Variants in RASGRP3 observed in about 807,000 individuals in gnomAD.
RASGRP3 encodes the protein ras guanyl-releasing protein 3.
A neutral mutation model predicts 82.7 loss-of-function variants in RASGRP3; 54 were observed. The observed-to-expected ratio is 0.65, with a 90% CI of 0.52 to 0.82. RASGRP3 has a LOEUF of 0.82. RASGRP3 is among the 40% of genes least tolerant of loss of function. RASGRP3 has a pLI of 0.00. For missense variants in RASGRP3, 861 were observed against 828.9 expected (o/e 1.04, Z -0.48); for synonymous variants, 309 against 300.5 (o/e 1.03, Z -0.29).
chr2:33,520,525 G>A (rs1671922110), intron 5 of RASGRP3, 28 bp from the exon 6 acceptor site: 1 of 1,611,342 alleles, frequency 6.2e-7, no homozygotes, highest in African/African-American at 1.3e-5. Context: ...CAATCTTCCA[G>A]CTGCCAAAAA....
At chr2:33,525,079 TCAAAAAAAAAAAAAC>T (rs1296404116) in intron 9 of RASGRP3, among the ~76,000 whole-genome samples, 2 of 90,090 alleles carry the variant, frequency 2.2e-5, no homozygotes. Flanking sequence ...AGACTCCATC[TCAAAAAAAAAAAAAC>T]CAAAAAAAAA....
At chr2:33,453,920 A>G (rs942235467) in intron 2 of RASGRP3, among the ~76,000 whole-genome samples, 2 of 152,220 alleles carry the variant, frequency 1.3e-5, no homozygotes, top group African/African-American at 4.8e-5. Context: ...GTTAAACAAG[A>G]GAAATTTATT....
At chr2:33,528,791 C>A (rs1376100237) in intron 10 of RASGRP3, among the ~76,000 whole-genome samples, 3 of 152,188 alleles carry the variant, frequency 2.0e-5, no homozygotes, top group Admixed American at 2.0e-4. Flanking sequence ...ACACAGATCT[C>A]TTAAAGTTGA....
At chr2:33,547,704 C>T (rs1674937002) in intron 13 of RASGRP3, among the ~76,000 whole-genome samples, 1 of 152,100 alleles carries the variant, frequency 6.6e-6, no homozygotes, top group Non-Finnish European at 1.5e-5. Context: ...ATCTTGTGAG[C>T]AAACTCTGGT....
At chr2:33,505,443 C>G (rs1467473769) in intron 1 of RASGRP3, among the ~76,000 whole-genome samples, 1 of 152,006 alleles carries the variant, frequency 6.6e-6, no homozygotes, top group Non-Finnish European at 1.5e-5. Context: ...GCTGGGATTA[C>G]TGGCATGAGC....
rs143776810 is a variant in RASGRP3, at chr2:33,563,065, TACTC to T, written c.*330_*333del. On this transcript the variant is annotated 3_prime_UTR_variant, in exon 18 of 18. Coordinates refer to ENST00000403687, the MANE Select transcript of RASGRP3 (RefSeq NM_001139488.2). ...TGAAAGCTTTTTTGCATGTACTTGA[TACTC>T]AGTCTGTAAACTCAGACTTCGCTTT... The T allele has an allele frequency of 0.011, 3,631 of 324,118 alleles. 120 individuals carry two copies. Among genetic ancestry groups the T allele is most frequent in the African/African-American group, 0.07 (3,283 of 46,950 alleles). 20.1% of individuals were successfully genotyped at this position (324,118 alleles called of 1,614,324 possible). A position where few individuals can be genotyped will look rare whatever the true frequency, so the allele number is the denominator to read the frequency against.
upstream of RASGRP3, among the ~76,000 whole-genome samples, chr2:33,471,895 T>A (rs569081595): frequency 2.0e-5 from 1 of 49,358 alleles, no homozygotes; most frequent in East Asian, 6.4e-4. Flanking sequence ...CTCCAATCAA[T>A]GATTTTTTTT....
intron 1 of RASGRP3, among the ~76,000 whole-genome samples, chr2:33,498,600 C>T (rs1669550584): frequency 6.6e-6 from 1 of 152,028 alleles, no homozygotes; most frequent in Non-Finnish European, 1.5e-5. Flanking sequence ...TACTTTAATC[C>T]CAACTTGAAG....
At position 33,527,335 on chromosome 2, in the gene RASGRP3, A is replaced by G; in HGVS notation, c.1006A>G (p.Thr336Ala). 1 of 1,613,862 alleles carries G rather than the reference A, an allele frequency of 6.2e-7. No individual in the cohort carries two copies. The highest frequency in any genetic ancestry group is 8.5e-7 in the Non-Finnish European group (1 of 1,179,772). ...NIVKMHQLSV[T>A]LSELVSLQNA... ...TGTGAAAATGCACCAGCTCTCCGTT[A>G]CCCTGAGTGAACTAGTCTCCCTGCA... is the stretch of plus-strand genomic sequence containing the variant. The change falls in exon 10 of 18, where the codon ACC (threonine) becomes GCC (alanine). Residue 336 changes from threonine (T) to alanine (A), a missense_variant. Physicochemically the swap from Thr to Ala is moderately conservative, Grantham distance 58. Coordinates refer to ENST00000403687, the MANE Select transcript of RASGRP3 (RefSeq NM_001139488.2).
At chr2:33,522,376 A>C (rs556999435) in intron 7 of RASGRP3, among the ~76,000 whole-genome samples, 1 of 152,214 alleles carries the variant, frequency 6.6e-6, no homozygotes, top group South Asian at 2.1e-4. Context: ...TGGAGATTTA[A>C]CCATTCAAGG....
At chr2:33,504,897 A>G (rs1185599100) in intron 1 of RASGRP3, among the ~76,000 whole-genome samples, 2 of 152,180 alleles carry the variant, frequency 1.3e-5, no homozygotes, top group African/African-American at 2.4e-5. Context: ...GCACGTTGGT[A>G]TTGGCACCAA....
intron 13 of RASGRP3, among the ~76,000 whole-genome samples, chr2:33,548,874 A>T (rs1211359341): frequency 2.0e-5 from 3 of 152,074 alleles, no homozygotes; most frequent in Non-Finnish European, 2.9e-5. Context: ...TTTTTGGTAG[A>T]GATGGGGTCT....
rs759830804 is a variant in RASGRP3 at position 33,527,405 on chromosome 2, T to C, written c.1076T>C (p.Leu359Pro). 2 of 1,611,686 alleles carry C rather than the reference T, an allele frequency of 1.2e-6. No individual in the cohort carries two copies. The highest frequency in any genetic ancestry group is 1.7e-6 in the Non-Finnish European group (2 of 1,177,996). The change falls in exon 10 of 18, where the codon CTG becomes CCG. Residue 359 changes from leucine to proline, a missense_variant. Transcript: ENST00000403687. Reference sequence around the variant, plus strand: ...GAACCCAACATGGATTTGATCAACCTGCTCACGGTGAGTTCCAAGGAGCCA... The same window carrying C: ...GAACCCAACATGGATTTGATCAACCCGCTCACGGTGAGTTCCAAGGAGCCA... ...HLEPNMDLINLLTLSLDLYHT... is the reference protein window; with the variant it reads ...HLEPNMDLINPLTLSLDLYHT...
At position 33,564,077 on chromosome 2, in the gene RASGRP3, C is replaced by G. The variant is rs2151133874; in HGVS notation, c.*1340C>G. 6.6e-6 allele frequency: 1 copy of G among 152,318 alleles called. No homozygotes were observed. The highest frequency in any genetic ancestry group is 1.9e-4 in the East Asian group (1 of 5,182). 9.4% of individuals were successfully genotyped at this position (152,318 alleles called of 1,614,324 possible). On this transcript the variant is annotated 3_prime_UTR_variant, in exon 18 of 18. Coordinates refer to ENST00000403687, the MANE Select transcript of RASGRP3 (RefSeq NM_001139488.2). The stretch of plus-strand genomic sequence containing the variant: ...GGAATTTGTTTGTATTTGGGGCAGT[C>G]TTCAGTAAAGCCTTTCTCCTTTCTT...
intron 1 of RASGRP3, among the ~76,000 whole-genome samples, chr2:33,478,165 G>C (rs1667549472): frequency 6.6e-6 from 1 of 152,180 alleles, no homozygotes; most frequent in Non-Finnish European, 1.5e-5. Flanking sequence ...TTCTCTGATG[G>C]AAGCAGTTTC....
At chr2:33,506,793 C>T (rs543641956) in intron 1 of RASGRP3, among the ~76,000 whole-genome samples, 1 of 152,326 alleles carries the variant, frequency 6.6e-6, no homozygotes, top group South Asian at 2.1e-4. Flanking sequence ...GATACTGCCT[C>T]ACCATCCATA....
In RASGRP3 at chr2:33,506,222, C is replaced by A. The variant is rs1244524856; in HGVS notation, c.-260-5488C>A. ...GGGCCAGTGATAGAATGCTTACCAG[C>A]CAAACACAGAGAATAACAAACCTTT... is the stretch of plus-strand genomic sequence containing the variant. On this transcript the variant is annotated intron_variant, in intron 1 of 17. Coordinates refer to ENST00000403687, the MANE Select transcript of RASGRP3 (RefSeq NM_001139488.2). Among the ~76,000 whole-genome samples, 8 of 152,280 alleles carry A rather than the reference C, an allele frequency of 5.3e-5. No homozygotes were observed. The South Asian group carries it at 1.7e-3, about 32-fold the overall frequency.
intron 2 of RASGRP3, among the ~76,000 whole-genome samples, chr2:33,467,403 G>T (rs569008638): frequency 6.6e-6 from 1 of 152,174 alleles, no homozygotes; most frequent in East Asian, 1.9e-4. Context: ...TAGTTCAAAG[G>T]GAAGAACAAG....
upstream of RASGRP3, among the ~76,000 whole-genome samples, chr2:33,471,767 C>T (rs1667074172): frequency 6.6e-6 from 1 of 152,032 alleles, no homozygotes; most frequent in African/African-American, 2.4e-5. Context: ...TTGACTTCTT[C>T]CTGGGTCAGT....
Sources: allele counts gnomAD v4.1 joint callset (sites outside exome capture counted in the v4.1 genomes callset), GRCh38; gene constraint gnomAD v4.1.1; transcripts MANE v1.5; gene names NCBI Gene and HGNC (gene_info 2026-07-23, HGNC 2026-07-21).